The following EFCAB14 variants were observed in gnomAD, a reference collection of about 807,000 sequenced individuals.
EFCAB14 encodes EF-hand calcium-binding domain-containing protein 14.
EFCAB14 carries 43 observed loss-of-function variants against 56.5 expected under a neutral mutation model. That is an observed-to-expected ratio of 0.76 (90% CI 0.60 to 0.98). The LOEUF is 0.98. Among genes scored for constraint, EFCAB14 ranks in the 50% least tolerant of loss-of-function variants. The pLI is 0.00. For missense variants in EFCAB14, 538 were observed against 580.3 expected, an observed-to-expected ratio of 0.93 and a Z score of 0.75; for synonymous variants, 235 against 212.9, an observed-to-expected ratio of 1.10 and a Z score of -0.90.
chr1:46,697,607 A>C (rs1333070540), intron 3 of EFCAB14, among the ~76,000 whole-genome samples: 1 of 152,172 alleles, frequency 6.6e-6, no homozygotes, highest in Non-Finnish European at 1.5e-5. Flanking sequence ...GGCCAAGCAC[A>C]GTGGTAGGCA....
chr1:46,691,499 G>C (rs1360690397), intron 5 of EFCAB14, among the ~76,000 whole-genome samples: 1 of 152,120 alleles, frequency 6.6e-6, no homozygotes, highest in East Asian at 1.9e-4. Context: ...AAACTTCTGG[G>C]GGTGCTTTGT....
intron 4 of EFCAB14, among the ~76,000 whole-genome samples, chr1:46,692,936 A>G (rs1199916321): frequency 1.3e-5 from 2 of 152,208 alleles, no homozygotes; most frequent in Non-Finnish European, 2.9e-5. Context: ...GTTCTCTCAC[A>G]AACTGCCTCT....
intron 10 of EFCAB14, among the ~76,000 whole-genome samples, chr1:46,679,364 G>A (rs1381672399): frequency 6.6e-6 from 1 of 152,140 alleles, no homozygotes; most frequent in Non-Finnish European, 1.5e-5. Context: ...GCAGTGGCGC[G>A]ATCTTGGTTC....
chr1:46,676,909 A>G lies in EFCAB14; in HGVS notation c.*1552T>C, dbSNP rs899097818. ...GCCCTTAAATGTTTAAGGGTACCGG[A>G]CTGTATCCATGGTGAAGGGCAACCT... On this transcript the variant is annotated 3_prime_UTR_variant, in exon 11 of 11. Coordinates refer to ENST00000371933, the MANE Select transcript of EFCAB14 (RefSeq NM_014774.3). 3 of 152,376 alleles carry G rather than the reference A, an allele frequency of 2.0e-5. No homozygotes were observed. Among genetic ancestry groups the G allele is most frequent in the African/African-American group, 7.2e-5 (3 of 41,396 alleles). 9.4% of individuals were successfully genotyped at this position (152,376 alleles called of 1,614,324 possible). A position where few individuals can be genotyped will look rare whatever the true frequency, so the allele number is the denominator to read the frequency against.
chr1:46,704,046 G>C (rs1465185725), intron 3 of EFCAB14, among the ~76,000 whole-genome samples: 1 of 152,164 alleles, frequency 6.6e-6, no homozygotes, highest in Non-Finnish European at 1.5e-5. Flanking sequence ...CTCCAATCTA[G>C]GTGAGATACA....
Position 46,684,535 on chromosome 1 carries a change from G to T in EFCAB14, c.1142C>A (p.Thr381Lys), listed in dbSNP as rs1377754908. 3 of 1,614,090 alleles carry T rather than the reference G, an allele frequency of 1.9e-6. No homozygotes were observed. The highest frequency in any genetic ancestry group is 1.7e-4 in the Middle Eastern group (1 of 6,060). Reference sequence around the variant, plus strand: ...AGGCCTGTTGCTCTCAGGTTTGTTTGTAAGAGCACTGATCAGCTGGAGTTT... The same window carrying T: ...AGGCCTGTTGCTCTCAGGTTTGTTTTTAAGAGCACTGATCAGCTGGAGTTT... ...REKLQLISAL[T>K]NKPESNRPPE... Residue 381 changes from threonine to lysine, a missense_variant, in exon 9 of 11, where the codon ACA becomes AAA. Physicochemically the swap from Thr to Lys is moderately conservative, Grantham distance 78 (BLOSUM62 -1). Coordinates refer to ENST00000371933, the MANE Select transcript of EFCAB14 (RefSeq NM_014774.3).
intron 1 of EFCAB14, 62 bp from the exon 2 acceptor site, chr1:46,716,505 C>G: frequency 6.4e-7 from 1 of 1,571,934 alleles, no homozygotes; most frequent in Admixed American, 1.7e-5. Context: ...GCTTTATTAG[C>G]AATAGTACAC....
rs1184971477 is a variant in EFCAB14 at position 46,675,403 on chromosome 1, A to G, written c.*3058T>C. The G allele has an allele frequency of 2.0e-5, 3 of 152,662 alleles. No individual in the cohort carries two copies. Among genetic ancestry groups the G allele is most frequent in the Non-Finnish European group, 4.4e-5 (3 of 68,050 alleles). 9.5% of individuals were successfully genotyped at this position (152,662 alleles called of 1,614,324 possible). A position where few individuals can be genotyped will look rare whatever the true frequency, so the allele number is the denominator to read the frequency against. On this transcript the variant is annotated 3_prime_UTR_variant, in exon 11 of 11. Transcript: ENST00000371933. Reference sequence around the variant, plus strand: ...AATACACGCTCTATAAAGTCTCAGGAATACCCAAATGTGTTCTGGTTTGGA... The same window carrying G: ...AATACACGCTCTATAAAGTCTCAGGGATACCCAAATGTGTTCTGGTTTGGA...
At chr1:46,684,684 T>G in intron 8 of EFCAB14, 82 bp from the exon 9 acceptor site, 1 of 1,152,050 alleles carries the variant, frequency 8.7e-7, no homozygotes, top group African/African-American at 1.5e-5. Flanking sequence ...AGAGCCTGTT[T>G]AGCATGTAGT....
rs778944195 is a variant in EFCAB14 at position 46,684,505 on chromosome 1, T to C, written c.1172A>G (p.Glu391Gly). Residue 391 changes from glutamate to glycine, a missense_variant, in exon 9 of 11, where the codon GAG becomes GGG. Glu to Gly is a moderately conservative substitution (Grantham distance 98, BLOSUM62 -2). Coordinates refer to ENST00000371933, the MANE Select transcript of EFCAB14 (RefSeq NM_014774.3). ...TNKPESNRPP[E>G]TADEEQVESF... ...TCTGCTCTCACCTTCATCGGCGGTC[T>C]CTGGAGGCCTGTTGCTCTCAGGTTT... 3 of 1,614,072 alleles carry C rather than the reference T, an allele frequency of 1.9e-6. No homozygotes were observed. Among genetic ancestry groups the C allele is most frequent in the East Asian group, 2.2e-5 (1 of 44,890 alleles).
intron 1 of EFCAB14, among the ~76,000 whole-genome samples, chr1:46,717,414 T>G (rs943327926): frequency 6.6e-6 from 1 of 152,178 alleles, no homozygotes; most frequent in Non-Finnish European, 1.5e-5. Context: ...ATGATGCCTC[T>G]TCTTTTGCCC....
chr1:46,694,607 G>A (rs1426965621), intron 4 of EFCAB14, among the ~76,000 whole-genome samples: 1 of 152,200 alleles, frequency 6.6e-6, no homozygotes, highest in African/African-American at 2.4e-5. Context: ...TGGAGAAATA[G>A]GAACACTTTT....
chr1:46,696,750 G>C, intron 3 of EFCAB14, 101 bp from the exon 4 acceptor site: 1 of 1,071,762 alleles, frequency 9.3e-7, no homozygotes, highest in Non-Finnish European at 1.4e-6. Flanking sequence ...GATAGTCTAG[G>C]ATTTTATGTG....
intron 6 of EFCAB14, among the ~76,000 whole-genome samples, chr1:46,689,383 G>A (rs1404839466): frequency 1.3e-5 from 2 of 152,098 alleles, no homozygotes; most frequent in Non-Finnish European, 2.9e-5. Flanking sequence ...GACATGCAGG[G>A]AAAAACTGCA....
At chr1:46,705,738 T>C (rs1002519029) in intron 3 of EFCAB14, among the ~76,000 whole-genome samples, 1 of 152,246 alleles carries the variant, frequency 6.6e-6, no homozygotes, top group African/African-American at 2.4e-5. Flanking sequence ...CTTGCTTTTA[T>C]TCATCTTTTG....
intron 4 of EFCAB14, 23 bp downstream of exon 4, chr1:46,696,528 C>T: frequency 6.2e-7 from 1 of 1,606,942 alleles, no homozygotes; most frequent in South Asian, 1.1e-5. Flanking sequence ...TCTGAAGTCT[C>T]TGTACCCACA....
intron 3 of EFCAB14, among the ~76,000 whole-genome samples, chr1:46,699,924 G>C (rs966181468): frequency 2.5e-4 from 38 of 152,186 alleles, no homozygotes; most frequent in African/African-American, 9.2e-4. Flanking sequence ...GGGGAAGGGA[G>C]CTGCCATGCT....
chr1:46,695,220 TA>T (rs138365089), intron 4 of EFCAB14, among the ~76,000 whole-genome samples: 4 of 151,940 alleles, frequency 2.6e-5, no homozygotes, highest in Admixed American at 6.6e-5. Context: ...TAAAGTGTAA[TA>T]AAAAAAAGAA....
chr1:46,703,838 G>C (rs988133029), intron 3 of EFCAB14, among the ~76,000 whole-genome samples: 2 of 152,296 alleles, frequency 1.3e-5, no homozygotes, highest in Middle Eastern at 3.4e-3. Context: ...ATGTGTTGAT[G>C]AATGACTGCA....
Sources: allele counts gnomAD v4.1 joint callset (sites outside exome capture counted in the v4.1 genomes callset), GRCh38; gene constraint gnomAD v4.1.1; transcripts MANE v1.5; gene names NCBI Gene and HGNC (gene_info 2026-07-23, HGNC 2026-07-21).